The following TRRAP variants were observed in gnomAD, a reference collection of about 807,000 sequenced individuals.
The protein encoded by TRRAP is transformation/transcription domain-associated protein.
Under a neutral mutation model 438.8 loss-of-function variants are expected in TRRAP, and 41 were observed. The observed-to-expected ratio is 0.09, with a 90% confidence interval of 0.07 to 0.12. The LOEUF (loss-of-function observed/expected upper bound fraction) is 0.12, where lower values mean the gene tolerates loss of function less well. Ranked by LOEUF, TRRAP falls within the 10% of genes least tolerant of loss-of-function variation. The pLI is 1.00. For synonymous variants in TRRAP, 1,994 were observed against 1,962.9 expected (o/e 1.02, Z -0.42); for missense variants, 3,122 against 5,055.1 (o/e 0.62, Z 11.60).
At chr7:98,944,507 G>A (rs1416844793) in intron 31 of TRRAP, among the ~76,000 whole-genome samples, 1 of 152,050 alleles carries the variant, frequency 6.6e-6, no homozygotes, top group Non-Finnish European at 1.5e-5. Flanking sequence ...GACCATCCAG[G>A]GAGGGTCCAG....
intron 23 of TRRAP, 24 bp from the exon 24 acceptor site, chr7:98,929,965 G>T: frequency 2.5e-6 from 4 of 1,611,226 alleles, no homozygotes; most frequent in Non-Finnish European, 3.4e-6. Flanking sequence ...CTGTTCTCAC[G>T]TGCCTTCCCA....
chr7:98,915,689 G>A, intron 18 of TRRAP, 34 bp from the exon 19 acceptor site: 1 of 1,604,534 alleles, frequency 6.2e-7, no homozygotes, highest in Non-Finnish European at 8.5e-7. Context: ...TCCTCATTTA[G>A]ATGCCACTAA....
Position 98,976,532 on chromosome 7 carries a change from T to G in TRRAP, c.8009T>G (p.Val2670Gly), listed in dbSNP as rs1394588413. Residue 2670 changes from valine (V) to glycine (G), a missense_variant, in exon 55 of 73, where the codon GTG (valine) becomes GGG (glycine). Physicochemically the swap from Val to Gly is moderately radical, Grantham distance 109. Around this residue, in one of 24 missense-constraint regions of TRRAP, gnomAD observed 992 missense variants for 1,281.2 expected, o/e 0.77. Coordinates refer to ENST00000456197, the MANE Select transcript of TRRAP (RefSeq NM_001375524.1). The surrounding 1 kb of genome is among the most constrained non-coding windows in gnomAD (Gnocchi z 4.6). ...SPFLCSGSHQ[V>G]QRDCQPSALN... Reference sequence around the variant, plus strand: ...TTTCTGTGCAGCGGCAGTCACCAGGTGCAGCGGGACTGCCAGCCCAGCGCG... The same window carrying G: ...TTTCTGTGCAGCGGCAGTCACCAGGGGCAGCGGGACTGCCAGCCCAGCGCG... 1.2e-6 allele frequency: 2 copies of G among 1,613,400 alleles called. No homozygotes were observed. Among genetic ancestry groups the G allele is most frequent in the African/African-American group, 1.3e-5 (1 of 74,916 alleles).
chr7:98,948,710 C>T lies in TRRAP; in HGVS notation c.4788+25C>T. The stretch of plus-strand genomic sequence containing the variant: ...GGTAAGAGCTGTGAGCAGCTGGAGT[C>T]AGGGGTCCCTTCAAATGCTTGTGAG... On this transcript the variant is annotated intron_variant, in intron 35 of 72. Transcript: ENST00000456197. The surrounding 1 kb of genome is among the most constrained non-coding windows in gnomAD (Gnocchi z 4.9). 6.2e-7 allele frequency: 1 copy of T among 1,613,952 alleles called. No homozygotes were observed. The highest frequency in any genetic ancestry group is 8.5e-7 in the Non-Finnish European group (1 of 1,180,016).
chr7:98,915,320 A>T (rs1276546497), intron 18 of TRRAP, among the ~76,000 whole-genome samples: 1 of 151,976 alleles, frequency 6.6e-6, no homozygotes, highest in African/African-American at 2.4e-5. Context: ...AGCCTCCCTA[A>T]TAGCTGGGAT....
At chr7:98,911,420 GTCTTGAAACAAT>G (rs1260562864) in intron 17 of TRRAP, 149 bp downstream of exon 17, 2 of 785,050 alleles carry the variant, frequency 2.5e-6, no homozygotes, top group Non-Finnish European at 3.8e-6. Context: ...AGGCCATAAT[GTCTTGAAACAAT>G]TCTTAAAAGA....
At chr7:98,971,113 C>G (rs1287571253) in intron 52 of TRRAP, among the ~76,000 whole-genome samples, 1 of 152,202 alleles carries the variant, frequency 6.6e-6, no homozygotes, top group Non-Finnish European at 1.5e-5. Flanking sequence ...TCCCCTCTTC[C>G]ATGTGCAGGA....
At position 98,915,681 on chromosome 7, in the gene TRRAP, C is replaced by T. The variant is rs782761107; in HGVS notation, c.2200-42C>T. ...TAGAGTCTGGAGGGTATAGACCCTC[C>T]TCATTTAGATGCCACTAATCTGCGT... is the stretch of plus-strand genomic sequence containing the variant. On this transcript the variant is annotated intron_variant, in intron 18 of 72. Transcript: ENST00000456197. The T allele has an allele frequency of 1.7e-5, 27 of 1,599,470 alleles. No individual in the cohort carries two copies. In the South Asian group the frequency reaches 2.6e-4, roughly 15 times the overall value.
chr7:98,930,789 C>T lies in TRRAP; in HGVS notation c.3550C>T (p.Leu1184=), dbSNP rs142162711. ...TWVLQNQQTF[L]KALLFVMMDL... is the part of the protein sequence containing the mutation. ...GGTTCTCCAGAACCAGCAGACATTC[C>T]TGAAAGCACTTCTCTTTGTCATGAT... is the stretch of plus-strand genomic sequence containing the variant. The change falls in exon 25 of 73, where the codon CTG becomes TTG. Residue 1184 remains leucine (L), a synonymous_variant. Transcript: ENST00000456197. 2.8e-4 allele frequency: 453 copies of T among 1,614,076 alleles called. No homozygotes were observed. Among genetic ancestry groups the T allele is most frequent in the Non-Finnish European group, 3.6e-4 (422 of 1,180,052 alleles).
rs539064580 is a variant in TRRAP, at chr7:98,964,081, A to T, written c.6830-548A>T. On this transcript the variant is annotated intron_variant, in intron 47 of 72. Transcript: ENST00000456197. Reference sequence around the variant, plus strand: ...GGGTGATAGAGCAAGACTCGACATTAAAAAAAAAAAAAAAAAAAGTTTAAT... The same window carrying T: ...GGGTGATAGAGCAAGACTCGACATTTAAAAAAAAAAAAAAAAAAGTTTAAT... 3.2e-4 allele frequency among the ~76,000 whole-genome samples: 39 copies of T among 120,876 alleles called. No individual in the cohort carries two copies. In the East Asian group the frequency reaches 7.3e-3, roughly 23 times the overall value. The allele number at this position is 120,876 out of a possible 152,430, so 79.3% of individuals were successfully genotyped here.
chr7:98,966,637 A>G (rs1792172205), intron 49 of TRRAP, among the ~76,000 whole-genome samples: 1 of 152,142 alleles, frequency 6.6e-6, no homozygotes, highest in African/African-American at 2.4e-5. Flanking sequence ...GTAAGCCAAG[A>G]TCACACCACT....
Position 98,949,717 on chromosome 7 carries a change from G to T in TRRAP, c.5011G>T (p.Val1671Leu), listed in dbSNP as rs1791244819. The T allele has an allele frequency of 1.2e-6, 2 of 1,614,068 alleles. No individual in the cohort carries two copies. Among genetic ancestry groups the T allele is most frequent in the Non-Finnish European group, 1.7e-6 (2 of 1,180,026 alleles). ...DSWLASQHSL[V>L]SQLRRVWVSE... ...CTGGCTGGCCAGCCAGCACTCTCTG[G>T]TGAGCCAGTTGCGACGTGTGTGGGT... Residue 1671 changes from valine (V) to leucine (L), a missense_variant, in exon 37 of 73, where the codon GTG (valine) becomes TTG (leucine). By Grantham distance (32) the Val-to-Leu change is conservative. This residue lies in a region of TRRAP where 272 missense variants were observed against 348.5 expected (regional missense o/e 0.78). Coordinates refer to ENST00000456197, the MANE Select transcript of TRRAP (RefSeq NM_001375524.1).
intron 39 of TRRAP, 55 bp downstream of exon 39, chr7:98,951,059 CTGTGTGTGTGTGTGTG>C (rs67173253): frequency 2.1e-6 from 2 of 968,024 alleles, no homozygotes; most frequent in South Asian, 3.3e-5. Context: ...GGATGAACAT[CTGTGTGTGTGTGTGTG>C]TGTGTGTGTG....
intron 39 of TRRAP, among the ~76,000 whole-genome samples, chr7:98,951,318 C>T (rs186515136): frequency 3.3e-4 from 50 of 152,216 alleles, no homozygotes; most frequent in African/African-American, 1.0e-3. Context: ...CCCCTGTTGC[C>T]GGTCAGCAGA....
At chr7:98,995,042 G>A (rs1243186072) in intron 67 of TRRAP, among the ~76,000 whole-genome samples, 194 bp downstream of exon 67, 1 of 152,234 alleles carries the variant, frequency 6.6e-6, no homozygotes, top group African/African-American at 2.4e-5. Context: ...AGGGGTCAAG[G>A]TTTGGAGCAG....
chr7:98,916,695 C>T (rs1789533114), intron 19 of TRRAP, among the ~76,000 whole-genome samples: 1 of 152,196 alleles, frequency 6.6e-6, no homozygotes, highest in African/African-American at 2.4e-5. Flanking sequence ...AGTCTGATTT[C>T]CTGGGCTCTC....
chr7:98,988,720 T>C (rs1191923986), intron 62 of TRRAP, 45 bp from the exon 63 acceptor site: 2 of 1,599,252 alleles, frequency 1.3e-6, no homozygotes, highest in Admixed American at 3.4e-5. Flanking sequence ...TGAAGCTCGC[T>C]TCAATTGAAA....
At chr7:98,946,215 A>T (rs148773046) in intron 33 of TRRAP, among the ~76,000 whole-genome samples, 1 of 152,348 alleles carries the variant, frequency 6.6e-6, no homozygotes, top group East Asian at 1.9e-4. Flanking sequence ...TCAAGATTGA[A>T]TTAGATTTTG....
intron 40 of TRRAP, 68 bp from the exon 41 acceptor site, chr7:98,955,030 A>G: frequency 3.3e-6 from 5 of 1,504,080 alleles, no homozygotes; most frequent in Non-Finnish European, 4.5e-6. Flanking sequence ...CTTGACACCA[A>G]GGGATTGTCT....
Sources: gnomAD v4.1 joint callset for allele counts (sites outside exome capture counted in the v4.1 genomes callset) on GRCh38, gnomAD v4.1.1 for gene constraint, gnomAD v4.1.1 regional missense constraint, Gnocchi (gnomAD v3.1) non-coding constraint, MANE v1.5 for transcripts, NCBI Gene and HGNC (gene_info 2026-07-23, HGNC 2026-07-21) for gene names.